The following MBTD1 variants were observed in gnomAD, a reference collection of about 807,000 sequenced individuals.
MBTD1 encodes the protein mbt domain containing 1.
In MBTD1, 24 loss-of-function variants were observed where a neutral mutation model predicts 87.8. That is an observed-to-expected ratio of 0.27 (90% CI 0.20 to 0.38). The LOEUF (loss-of-function observed/expected upper bound fraction) is 0.38, where lower values mean the gene tolerates loss of function less well. Among genes scored for constraint, MBTD1 ranks in the 10% least tolerant of loss-of-function variants. The probability of loss-of-function intolerance (pLI) is 1.00; values close to 1 mark genes in which losing one functional copy is unlikely to be tolerated. For synonymous variants in MBTD1, 237 were observed against 248.6 expected, an observed-to-expected ratio of 0.95 and a Z score of 0.44; for missense variants, 436 against 760.2, an observed-to-expected ratio of 0.57 and a Z score of 5.02.
In MBTD1 at chr17:51,237,790, C is replaced by CAT. The variant is rs146753682; in HGVS notation, c.-48-12583_-48-12582dup. Among the ~76,000 whole-genome samples, 416 of 152,280 alleles carry CAT rather than the reference C, an allele frequency of 2.7e-3. 3 individuals carry two copies. Among genetic ancestry groups the CAT allele is most frequent in the African/African-American group, 9.7e-3 (403 of 41,550 alleles). On this transcript the variant is annotated intron_variant, in intron 2 of 16. Transcript: ENST00000586178. ...ACAACCACCTACCATCCATTCCACT[C>CAT]ATATATATCTGCGAGAAATGAAGGC...
At chr17:51,214,037 A>ATG (rs140473948) in intron 6 of MBTD1, among the ~76,000 whole-genome samples, 1 of 152,292 alleles carries the variant, frequency 6.6e-6, no homozygotes, top group East Asian at 1.9e-4. Flanking sequence ...AGTAGTATAT[A>ATG]TGTGTGTGTG....
At chr17:51,233,361 A>G (rs910388369) in intron 2 of MBTD1, among the ~76,000 whole-genome samples, 1 of 152,196 alleles carries the variant, frequency 6.6e-6, no homozygotes, top group African/African-American at 2.4e-5. Flanking sequence ...TATAGGAAAC[A>G]GAAGAAAAGC....
chr17:51,219,239 T>G (rs745601690), intron 4 of MBTD1, among the ~76,000 whole-genome samples, 195 bp from the exon 5 acceptor site: 41 of 152,172 alleles, frequency 2.7e-4, no homozygotes, highest in Non-Finnish European at 5.4e-4. Flanking sequence ...TTATCTAATA[T>G]GGGTAGCAGA....
chr17:51,199,429 C>A (rs2051331415), intron 12 of MBTD1, among the ~76,000 whole-genome samples: 1 of 151,476 alleles, frequency 6.6e-6, no homozygotes. Context: ...CAAGGTGTTT[C>A]AGGAATCACT....
At chr17:51,244,733 A>G (rs1403222919) in intron 2 of MBTD1, among the ~76,000 whole-genome samples, 1 of 146,924 alleles carries the variant, frequency 6.8e-6, no homozygotes, top group Non-Finnish European at 1.5e-5. Context: ...ACATACTTCC[A>G]TCTTTTTTTT....
intron 12 of MBTD1, 40 bp downstream of exon 12, chr17:51,201,552 C>G (rs746802474): frequency 7.5e-7 from 1 of 1,334,706 alleles, no homozygotes; most frequent in Non-Finnish European, 1.1e-6. Context: ...TACCCAAATC[C>G]TATAATTGCA....
intron 2 of MBTD1, among the ~76,000 whole-genome samples, chr17:51,257,202 T>G (rs2055141394): frequency 6.6e-6 from 1 of 152,264 alleles, no homozygotes; most frequent in South Asian, 2.1e-4. Flanking sequence ...TTCTCTTTTA[T>G]TGTCCTGATG....
intron 2 of MBTD1, among the ~76,000 whole-genome samples, chr17:51,234,618 C>T (rs1216350445): frequency 2.6e-5 from 4 of 152,066 alleles, no homozygotes; most frequent in African/African-American, 9.7e-5. Flanking sequence ...AAAGATCTTC[C>T]CACAAATGAA....
intron 7 of MBTD1, among the ~76,000 whole-genome samples, chr17:51,205,628 C>T (rs1281447165): frequency 6.6e-6 from 1 of 152,042 alleles, no homozygotes; most frequent in Non-Finnish European, 1.5e-5. Context: ...ACAGAGGTGA[C>T]AAAAACGTGC....
intron 16 of MBTD1, 127 bp downstream of exon 16, chr17:51,192,076 C>G: frequency 1.4e-6 from 1 of 736,554 alleles, no homozygotes; most frequent in Non-Finnish European, 2.3e-6. Context: ...CATACTGCAC[C>G]TTTAAGCATA....
rs114496788 is a variant in MBTD1 at position 51,200,123 on chromosome 17, G to A, written c.1224+1469C>T. Among the ~76,000 whole-genome samples, 753 of 152,172 alleles carry A rather than the reference G, an allele frequency of 4.9e-3. 8 individuals carry two copies. The highest frequency in any genetic ancestry group is 0.017 in the African/African-American group (700 of 41,512). ...TACAAGTGTGAGCTACCATGCCTGG[G>A]CCATCATAATTGTTTTTCTTTTAGC... On this transcript the variant is annotated intron_variant, in intron 12 of 16. Coordinates refer to ENST00000586178, the MANE Select transcript of MBTD1 (RefSeq NM_017643.3).
chr17:51,211,175 T>G (rs2052185121), intron 6 of MBTD1, among the ~76,000 whole-genome samples: 1 of 149,696 alleles, frequency 6.7e-6, no homozygotes, highest in South Asian at 2.1e-4. Context: ...AAAAAAAAAT[T>G]TAAGTTAGGC....
intron 2 of MBTD1, among the ~76,000 whole-genome samples, chr17:51,240,980 A>T (rs535107639): frequency 2.0e-4 from 29 of 148,530 alleles, no homozygotes; most frequent in Admixed American, 1.9e-3. Flanking sequence ...GGTGATGTTA[A>T]TTTTTTTTTT....
At chr17:51,240,487 G>C (rs904543688) in intron 2 of MBTD1, among the ~76,000 whole-genome samples, 3 of 152,152 alleles carry the variant, frequency 2.0e-5, no homozygotes, top group Non-Finnish European at 2.9e-5. Flanking sequence ...ATATTTTGCT[G>C]ACTGTTCTAT....
intron 13 of MBTD1, 63 bp downstream of exon 13, chr17:51,195,151 A>G (rs2051027219): frequency 6.7e-7 from 1 of 1,498,310 alleles, no homozygotes; most frequent in Admixed American, 1.9e-5. Context: ...AAATGTTGTA[A>G]ACAAAAACCA....
intron 16 of MBTD1, among the ~76,000 whole-genome samples, chr17:51,187,401 CAA>C (rs201877980): frequency 3.5e-3 from 396 of 113,606 alleles, no homozygotes; most frequent in Middle Eastern, 5.1e-3. Context: ...GACCTTGTCT[CAA>C]AAAAAAAAAA....
upstream of MBTD1, chr17:51,260,523 G>A (rs2144369206): frequency 6.5e-7 from 1 of 1,530,472 alleles, no homozygotes; most frequent in South Asian, 1.3e-5. Context: ...GCCCGCGAGG[G>A]GCCTGGGCGC....
intron 6 of MBTD1, among the ~76,000 whole-genome samples, chr17:51,215,927 ATTTTTTTTTTT>A (rs35988235): frequency 8.8e-6 from 1 of 114,210 alleles, no homozygotes; most frequent in African/African-American, 3.4e-5. Context: ...TAAAGCCCTA[ATTTTTTTTTTT>A]TTTTTTTTTT....
chr17:51,197,077 T>C (rs1425268423), intron 12 of MBTD1, among the ~76,000 whole-genome samples: 7 of 11,458 alleles, frequency 6.1e-4, no homozygotes, highest in Non-Finnish European at 1.0e-3. Context: ...TATATATATA[T>C]ATATATATAT....
Sources: allele counts gnomAD v4.1 joint callset (sites outside exome capture counted in the v4.1 genomes callset), GRCh38; gene constraint gnomAD v4.1.1; transcripts MANE v1.5; gene names NCBI Gene and HGNC (gene_info 2026-07-23, HGNC 2026-07-21).